Variants in PPA2 observed in about 807,000 individuals in gnomAD.
The protein encoded by PPA2 is inorganic pyrophosphatase 2, mitochondrial.
Under a neutral mutation model 49.5 loss-of-function variants are expected in PPA2, and 48 were observed. That is an observed-to-expected ratio of 0.97 (90% CI 0.77 to 1.23). The LOEUF (loss-of-function observed/expected upper bound fraction) is 1.23. Ranked by LOEUF, PPA2 falls within the 50% of genes most tolerant of loss-of-function variation. The pLI is 0.00. For synonymous variants in PPA2, 131 were observed against 139.9 expected (o/e 0.94, Z 0.45); for missense variants, 429 against 410.1 (o/e 1.05, Z -0.40).
intron 9 of PPA2, among the ~76,000 whole-genome samples, chr4:105,393,489 AAT>A (rs1734007928): frequency 5.6e-3 from 1 of 180 alleles, no homozygotes; most frequent in Non-Finnish European, 0.015. Context: ...GTCTCAAAAT[AAT>A]AATAATAATA....
In PPA2 at chr4:105,369,507, G is replaced by A; in HGVS notation, c.*218C>T. On this transcript the variant is annotated 3_prime_UTR_variant, in exon 12 of 12. Transcript: ENST00000341695. ...CAAAGTGCTGAAATTACAGGCATGA[G>A]CCACCGTGCCTGGCCAAAATCTTCT... is the stretch of plus-strand genomic sequence containing the variant. 1 of 498,598 alleles carries A rather than the reference G, an allele frequency of 2.0e-6. No individual in the cohort carries two copies. Among genetic ancestry groups the A allele is most frequent in the African/African-American group, 2.0e-5 (1 of 51,020 alleles). The allele number at this position is 498,598 out of a possible 1,614,324, so 30.9% of individuals were successfully genotyped here. A position where few individuals can be genotyped will look rare whatever the true frequency, so the allele number is the denominator to read the frequency against.
At chr4:105,382,911 G>C (rs1432891779) in intron 10 of PPA2, among the ~76,000 whole-genome samples, 3 of 152,006 alleles carry the variant, frequency 2.0e-5, no homozygotes, top group African/African-American at 4.8e-5. Context: ...TGAGGTGGGA[G>C]GATCAATTGA....
chr4:105,426,373 G>A (rs1161444890), intron 6 of PPA2, among the ~76,000 whole-genome samples: 1 of 152,184 alleles, frequency 6.6e-6, no homozygotes, highest in Non-Finnish European at 1.5e-5. Context: ...CCAAAGAAGG[G>A]CAGGATGTTG....
At chr4:105,464,754 C>T (rs1723233927) in intron 1 of PPA2, among the ~76,000 whole-genome samples, 1 of 152,172 alleles carries the variant, frequency 6.6e-6, no homozygotes, top group African/African-American at 2.4e-5. Flanking sequence ...GATACATGCC[C>T]TTCACCTTCG....
intron 1 of PPA2, among the ~76,000 whole-genome samples, chr4:105,458,267 T>C (rs1037379171): frequency 9.9e-5 from 15 of 151,974 alleles, no homozygotes; most frequent in Non-Finnish European, 1.9e-4. Flanking sequence ...AACAGAAAAA[T>C]GACATTAGTG....
chr4:105,439,038 A>G (rs933992718), intron 5 of PPA2, among the ~76,000 whole-genome samples: 1 of 152,152 alleles, frequency 6.6e-6, no homozygotes, highest in Non-Finnish European at 1.5e-5. Flanking sequence ...AATGAAGTCC[A>G]ACAACATTTC....
At chr4:105,460,856 C>CATATATATATATAT (rs1491341057) in intron 1 of PPA2, among the ~76,000 whole-genome samples, 8 of 139,156 alleles carry the variant, frequency 5.7e-5, no homozygotes, top group Non-Finnish European at 8.9e-5. Context: ...GATGTAAGAT[C>CATATATATATATAT]ACATATATAT....
At chr4:105,447,754 GAC>G (rs1276519952) in intron 4 of PPA2, among the ~76,000 whole-genome samples, 3 of 139,282 alleles carry the variant, frequency 2.2e-5, no homozygotes, top group Non-Finnish European at 4.6e-5. Context: ...TTTTTTTTGA[GAC>G]AGAGTTTCAT....
chr4:105,465,636 T>C (rs558857333), intron 1 of PPA2, among the ~76,000 whole-genome samples: 101 of 152,338 alleles, frequency 6.6e-4, no homozygotes, highest in African/African-American at 2.3e-3. Context: ...TCACTCCAGA[T>C]TGACAGCTGG....
chr4:105,460,690 G>C (rs1321372420), intron 1 of PPA2, among the ~76,000 whole-genome samples: 1 of 152,102 alleles, frequency 6.6e-6, no homozygotes, highest in Non-Finnish European at 1.5e-5. Context: ...ACACAAACAA[G>C]GGAAGTTTGT....
chr4:105,440,820 T>C (rs1472539915), intron 5 of PPA2, among the ~76,000 whole-genome samples: 2 of 152,202 alleles, frequency 1.3e-5, no homozygotes, highest in Non-Finnish European at 1.5e-5. Context: ...CCTAGCAATA[T>C]GGTTCCATAT....
At chr4:105,421,691 AAT>A (rs1723260055) in intron 7 of PPA2, among the ~76,000 whole-genome samples, 1 of 152,220 alleles carries the variant, frequency 6.6e-6, no homozygotes, top group African/African-American at 2.4e-5. Flanking sequence ...AGGTATGCAG[AAT>A]ATATTAACGA....
At chr4:105,405,338 T>C (rs1249691449) in intron 7 of PPA2, 3 of 765,230 alleles carry the variant, frequency 3.9e-6, no homozygotes, top group Non-Finnish European at 4.8e-6. Flanking sequence ...ATATAGTTTT[T>C]CACTTATAGT....
At chr4:105,446,096 T>G (rs894242754) in intron 5 of PPA2, 4 of 247,668 alleles carry the variant, frequency 1.6e-5, no homozygotes, top group African/African-American at 4.5e-5. Flanking sequence ...TTAAAAGTTT[T>G]TCACTGACAC....
intron 7 of PPA2, among the ~76,000 whole-genome samples, chr4:105,404,034 T>G (rs1722343342): frequency 6.6e-6 from 1 of 151,966 alleles, no homozygotes; most frequent in South Asian, 2.1e-4. Flanking sequence ...TTAATAGTAA[T>G]GATATGACTT....
At chr4:105,437,308 AG>A (rs1293937814) in intron 6 of PPA2, among the ~76,000 whole-genome samples, 12 of 152,296 alleles carry the variant, frequency 7.9e-5, no homozygotes, top group African/African-American at 2.9e-4. Context: ...GTGAGAAAAA[AG>A]GGAGAAGAGT....
chr4:105,446,424 G>C lies in PPA2; in HGVS notation c.400C>G (p.Pro134Ala). ...GKLRYVANIF[P>A]YKGYIWNYGT... is the part of the protein sequence containing the mutation. ...TAATTCCATATATAACCCTTGTAAG[G>C]GAAGATATTCGCCACATAGCGTAGC... The change falls in exon 5 of 12, where the codon CCT (proline) becomes GCT (alanine). Residue 134 changes from proline to alanine, a missense_variant. Physicochemically the swap from Pro to Ala is conservative, Grantham distance 27 (BLOSUM62 -1). Coordinates refer to ENST00000341695, the MANE Select transcript of PPA2 (RefSeq NM_176869.3). The C allele has an allele frequency of 6.2e-7, 1 of 1,605,850 alleles. No individual in the cohort carries two copies. Among genetic ancestry groups the C allele is most frequent in the South Asian group, 1.1e-5 (1 of 89,042 alleles).
chr4:105,453,581 A>G lies in PPA2; in HGVS notation c.267+17T>C, dbSNP rs898407891. ...AATATAAAAGTGATTCACAAAAATAAAAACCTTTGGATATACCTCATATTC... is the reference window on the plus strand; with the variant it reads ...AATATAAAAGTGATTCACAAAAATAGAAACCTTTGGATATACCTCATATTC... On this transcript the variant is annotated intron_variant, in intron 3 of 11. Transcript: ENST00000341695. 1.9e-6 allele frequency: 3 copies of G among 1,565,812 alleles called. No individual in the cohort carries two copies. Among genetic ancestry groups the G allele is most frequent in the Middle Eastern group, 1.7e-4 (1 of 5,902 alleles).
intron 4 of PPA2, among the ~76,000 whole-genome samples, chr4:105,447,672 T>TA (rs1722458765): frequency 6.6e-6 from 1 of 152,004 alleles, no homozygotes; most frequent in Non-Finnish European, 1.5e-5. Flanking sequence ...ACAATAAAGT[T>TA]AAAAAATCAC....
Sources: gnomAD v4.1 joint callset for allele counts (sites outside exome capture counted in the v4.1 genomes callset) on GRCh38, gnomAD v4.1.1 for gene constraint, MANE v1.5 for transcripts, NCBI Gene and HGNC (gene_info 2026-07-23, HGNC 2026-07-21) for gene names.